Variants in MYLK4 observed in about 807,000 individuals in gnomAD.
MYLK4 encodes the protein caMLCK like.
Under a neutral mutation model 48.1 loss-of-function variants are expected in MYLK4, and 46 were observed. The ratio of observed to expected loss-of-function variants is 0.96; its 90% CI spans 0.75 to 1.22. The LOEUF is 1.22. MYLK4 is among the 50% of genes most tolerant of loss of function. The probability of loss-of-function intolerance (pLI) is 0.00; values close to 1 mark genes in which losing one functional copy is unlikely to be tolerated. For missense variants in MYLK4, 451 were observed against 486.1 expected (o/e 0.93, Z 0.68); for synonymous variants, 170 against 180.8 (o/e 0.94, Z 0.48).
the MYLK4 span, among the ~76,000 whole-genome samples, chr6:2,766,668 G>A: frequency 6.6e-6 from 1 of 152,218 alleles, no homozygotes; most frequent in Non-Finnish European, 1.5e-5. Flanking sequence ...GGCTTGCCGG[G>A]TTTGCAAAAG....
intron 3 of MYLK4, 23 bp from the exon 4 acceptor site, chr6:2,688,979 G>T (rs1212226061): frequency 1.2e-6 from 2 of 1,603,338 alleles, no homozygotes; most frequent in African/African-American, 2.7e-5. Context: ...AGAAACAGAA[G>T]GGCAATCTGT....
At chr6:2,765,905 G>A in the MYLK4 span, 2 of 1,454,240 alleles carry the variant, frequency 1.4e-6, no homozygotes, top group Non-Finnish European at 9.1e-7. Context: ...CAGCGAGGGC[G>A]AGGGTGAGGA....
upstream of MYLK4, among the ~76,000 whole-genome samples, chr6:2,753,299 G>A (rs1206293245): frequency 6.6e-6 from 1 of 152,118 alleles, no homozygotes; most frequent in South Asian, 2.1e-4. Flanking sequence ...ATTGAAACCC[G>A]GCTGGATTAC....
chr6:2,726,022 T>C (rs569771677), intron 2 of MYLK4, among the ~76,000 whole-genome samples: 3 of 152,214 alleles, frequency 2.0e-5, no homozygotes, highest in Non-Finnish European at 4.4e-5. Flanking sequence ...CTCTTATCTT[T>C]AAGACAGACT....
At chr6:2,765,713 C>A in the MYLK4 span, 1 of 1,544,154 alleles carries the variant, frequency 6.5e-7, no homozygotes, top group Middle Eastern at 2.0e-4. Flanking sequence ...GCCCGCCGCG[C>A]ACATCAACTC....
chr6:2,670,288 C>G (rs1396613507), intron 12 of MYLK4, among the ~76,000 whole-genome samples: 3 of 152,186 alleles, frequency 2.0e-5, no homozygotes, highest in Admixed American at 6.5e-5. Context: ...ATCGCTTGAA[C>G]CTGGGAGGTG....
intron 2 of MYLK4, among the ~76,000 whole-genome samples, chr6:2,697,876 G>C (rs1043830734): frequency 9.2e-5 from 14 of 152,192 alleles, no homozygotes; most frequent in Admixed American, 9.2e-4. Flanking sequence ...TGAAGTGCTT[G>C]GTGAAGCAAT....
chr6:2,755,630 C>T (rs560599349), upstream of MYLK4, among the ~76,000 whole-genome samples: 91 of 152,282 alleles, frequency 6.0e-4, no homozygotes, highest in Admixed American at 1.8e-3. Flanking sequence ...CAGCCTTGAC[C>T]TTGGCTCAAG....
intron 2 of MYLK4, among the ~76,000 whole-genome samples, chr6:2,718,859 CAG>C (rs530199450): frequency 7.4e-4 from 113 of 152,294 alleles, no homozygotes; most frequent in African/African-American, 2.7e-3. Flanking sequence ...CAGGAAATAA[CAG>C]AAGTATGGCT....
In MYLK4 at chr6:2,685,585, A is replaced by G; in HGVS notation, c.342-9T>C. 1 of 1,614,012 alleles carries G rather than the reference A, an allele frequency of 6.2e-7. No individual in the cohort carries two copies. Among genetic ancestry groups the G allele is most frequent in the South Asian group, 1.1e-5 (1 of 91,072 alleles). On this transcript the variant is annotated splice_polypyrimidine_tract_variant and intron_variant, in intron 4 of 12. Coordinates refer to ENST00000274643, the MANE Select transcript of MYLK4 (RefSeq NM_001012418.5). This position sits in a 1 kb window ranked among gnomAD's most constrained non-coding sequence, Gnocchi z 4.5. The stretch of plus-strand genomic sequence containing the variant: ...CCTGGCCGAAACGCCCTCTGCCAAA[A>G]AGAGGAAGCGGCGTAGCATGAGGCC...
Position 2,685,645 on chromosome 6 carries a change from GC to G in MYLK4, c.342-70del. ...GCTGCCGAGTGGACAGCGCACAGTG[GC>G]CCCAGTATTTCTCCTGCTGAGTCTG... On this transcript the variant is annotated intron_variant, in intron 4 of 12. Transcript: ENST00000274643. This position sits in a 1 kb window ranked among gnomAD's most constrained non-coding sequence, Gnocchi z 4.5. 7.1e-7 allele frequency: 1 copy of G among 1,412,198 alleles called. No homozygotes were observed. The allele number at this position is 1,412,198 out of a possible 1,614,324, so 87.5% of individuals were successfully genotyped here. A position where few individuals can be genotyped will look rare whatever the true frequency, so the allele number is the denominator to read the frequency against.
chr6:2,720,412 A>C (rs1429708419), intron 2 of MYLK4, among the ~76,000 whole-genome samples: 2 of 152,096 alleles, frequency 1.3e-5, no homozygotes, highest in South Asian at 2.1e-4. Flanking sequence ...AAAAACAAAA[A>C]AAAAAAAGCA....
At chr6:2,721,361 T>C (rs1763061946) in intron 2 of MYLK4, among the ~76,000 whole-genome samples, 1 of 152,026 alleles carries the variant, frequency 6.6e-6, no homozygotes, top group Admixed American at 6.6e-5. Flanking sequence ...TCAAAGTGAG[T>C]TGCAGGACAC....
At chr6:2,708,133 T>G (rs976693020) in intron 2 of MYLK4, among the ~76,000 whole-genome samples, 1 of 152,186 alleles carries the variant, frequency 6.6e-6, no homozygotes, top group Non-Finnish European at 1.5e-5. Flanking sequence ...ATTAATAATG[T>G]TAAAGTCAGT....
intron 2 of MYLK4, among the ~76,000 whole-genome samples, chr6:2,699,796 T>G (rs531316472): frequency 1.3e-5 from 2 of 152,298 alleles, no homozygotes; most frequent in East Asian, 3.9e-4. Context: ...GATCAGCGCT[T>G]GAGCCTGGTG....
chr6:2,727,388 G>A (rs918631782), intron 2 of MYLK4, among the ~76,000 whole-genome samples: 1 of 152,202 alleles, frequency 6.6e-6, no homozygotes, highest in African/African-American at 2.4e-5. Context: ...GAGCTGCCCA[G>A]AGCTAGAGGC....
intron 9 of MYLK4, among the ~76,000 whole-genome samples, chr6:2,678,743 G>A (rs1035436029): frequency 8.7e-5 from 12 of 138,126 alleles, no homozygotes; most frequent in East Asian, 4.2e-4. Context: ...ACGGAGTCTC[G>A]CTGTGTCACC....
chr6:2,764,196 C>G, the MYLK4 span, among the ~76,000 whole-genome samples: 1 of 152,202 alleles, frequency 6.6e-6, no homozygotes, highest in Admixed American at 6.5e-5. Context: ...TAAAGTTTAA[C>G]TTGTTTCTCT....
chr6:2,742,358 C>G (rs962044762), intron 2 of MYLK4, among the ~76,000 whole-genome samples: 52 of 152,118 alleles, frequency 3.4e-4, no homozygotes, highest in Non-Finnish European at 1.0e-4. Flanking sequence ...CCCAGCCATC[C>G]CATTACTGGG....
Sources: allele counts gnomAD v4.1 joint callset (sites outside exome capture counted in the v4.1 genomes callset), GRCh38; gene constraint gnomAD v4.1.1; non-coding constraint Gnocchi (gnomAD v3.1); transcripts MANE v1.5; gene names NCBI Gene and HGNC (gene_info 2026-07-23, HGNC 2026-07-21).